Variants in NRXN1 observed in about 807,000 individuals in gnomAD.
The protein encoded by NRXN1 is neurexin-1.
NRXN1 carries 39 observed loss-of-function variants against 150.9 expected under a neutral mutation model. That is an observed-to-expected ratio of 0.26 (90% confidence interval 0.20 to 0.34). The LOEUF is 0.34. Ranked by LOEUF, NRXN1 falls within the 10% of genes least tolerant of loss-of-function variation. The pLI is 1.00. For missense variants in NRXN1, 1,815 were observed against 1,949.9 expected, an observed-to-expected ratio of 0.93 and a Z score of 1.30; for synonymous variants, 924 against 757.0, an observed-to-expected ratio of 1.22 and a Z score of -3.62.
At chr2:50,704,036 T>C (rs927386601) in intron 5 of NRXN1, among the ~76,000 whole-genome samples, 3 of 152,056 alleles carry the variant, frequency 2.0e-5, no homozygotes, top group African/African-American at 7.2e-5. Flanking sequence ...TTCTGGTGGA[T>C]TGAATGGATT....
chr2:50,422,285 C>A (rs1016230298), intron 17 of NRXN1, among the ~76,000 whole-genome samples: 2 of 152,024 alleles, frequency 1.3e-5, no homozygotes, highest in African/African-American at 4.8e-5. Context: ...CTCTAAAACA[C>A]CAGTTTGTGT....
intron 18 of NRXN1, among the ~76,000 whole-genome samples, chr2:50,170,959 T>C (rs2152800923): frequency 6.6e-6 from 1 of 152,282 alleles, no homozygotes; most frequent in East Asian, 1.9e-4. Context: ...ATAACACATA[T>C]TTTGTGTGTT....
intron 18 of NRXN1, among the ~76,000 whole-genome samples, chr2:50,094,900 A>C (rs1195422699): frequency 6.6e-6 from 1 of 152,186 alleles, no homozygotes; most frequent in Non-Finnish European, 1.5e-5. Context: ...AATGGGGTTA[A>C]GGTCTGTAAA....
intron 17 of NRXN1, among the ~76,000 whole-genome samples, chr2:50,292,863 A>G (rs2073100513): frequency 6.6e-6 from 1 of 152,162 alleles, no homozygotes; most frequent in Non-Finnish European, 1.5e-5. Context: ...CTTGATTCAT[A>G]TTTTTAATCT....
rs116716912 is a variant in NRXN1 at position 49,950,590 on chromosome 2, A to C, written c.4129-6799T>G. Among the ~76,000 whole-genome samples the C allele has an allele frequency of 3.3e-3, 503 of 152,144 alleles. 2 individuals carry two copies. Among genetic ancestry groups the C allele is most frequent in the African/African-American group, 0.011 (467 of 41,558 alleles). Reference sequence around the variant, plus strand: ...TACTGTTCTCTCTCTGTTCTGAGGCAAATGAACAAATAACTCTTTAATACA... The same window carrying C: ...TACTGTTCTCTCTCTGTTCTGAGGCCAATGAACAAATAACTCTTTAATACA... On this transcript the variant is annotated intron_variant, in intron 21 of 22. Transcript: ENST00000401669.
chr2:50,090,671 A>T (rs1189427423), intron 19 of NRXN1, among the ~76,000 whole-genome samples: 1 of 152,196 alleles, frequency 6.6e-6, no homozygotes, highest in Non-Finnish European at 1.5e-5. Context: ...TAAACAAGAT[A>T]ATTTTTATTT....
chr2:50,839,823 T>C (rs1257645000), intron 5 of NRXN1, among the ~76,000 whole-genome samples: 1 of 152,128 alleles, frequency 6.6e-6, no homozygotes, highest in Non-Finnish European at 1.5e-5. Context: ...GTAATTCTCC[T>C]CAGAACTAAG....
chr2:50,957,179 C>T (rs1489148931), intron 2 of NRXN1, among the ~76,000 whole-genome samples: 2 of 152,028 alleles, frequency 1.3e-5, no homozygotes, highest in Non-Finnish European at 2.9e-5. Flanking sequence ...AATAAAAATT[C>T]AGTAAAAGAA....
chr2:50,520,235 T>C (rs2092748617), intron 12 of NRXN1, among the ~76,000 whole-genome samples: 5 of 151,580 alleles, frequency 3.3e-5, no homozygotes, highest in Admixed American at 1.3e-4. Flanking sequence ...AGGAACAAAA[T>C]GTTGTTCTGA....
chr2:50,038,233 T>A (rs1690350766), intron 21 of NRXN1, among the ~76,000 whole-genome samples: 1 of 152,180 alleles, frequency 6.6e-6, no homozygotes, highest in African/African-American at 2.4e-5. Context: ...GTCATCAGTG[T>A]TTCTCAGTAT....
intron 2 of NRXN1, among the ~76,000 whole-genome samples, chr2:51,024,328 A>C (rs1173269317): frequency 6.6e-6 from 1 of 152,148 alleles, no homozygotes; most frequent in Non-Finnish European, 1.5e-5. Context: ...GTGATGCATA[A>C]ATTAGTTTTG....
chr2:50,078,151 T>G (rs1314109947), intron 19 of NRXN1, among the ~76,000 whole-genome samples: 1 of 152,074 alleles, frequency 6.6e-6, no homozygotes, highest in Non-Finnish European at 1.5e-5. Context: ...CAGTATTAGA[T>G]TAAGTTACAC....
chr2:50,906,585 G>C (rs1163860059), intron 5 of NRXN1, among the ~76,000 whole-genome samples: 1 of 151,938 alleles, frequency 6.6e-6, no homozygotes, highest in South Asian at 2.1e-4. Context: ...CTGTTCTCTT[G>C]CCAGAATAAT....
chr2:50,897,310 T>A (rs1425510352), intron 5 of NRXN1, among the ~76,000 whole-genome samples: 1 of 152,186 alleles, frequency 6.6e-6, no homozygotes, highest in Non-Finnish European at 1.5e-5. Flanking sequence ...CAATAAATTG[T>A]TTTCTCTGAA....
intron 22 of NRXN1, chr2:49,926,325 T>A: frequency 2.5e-6 from 1 of 398,428 alleles, no homozygotes; most frequent in Non-Finnish European, 4.4e-6. Context: ...TAATCCTTCC[T>A]CTCTCTTCTA....
At chr2:50,098,134 C>T (rs1293336326) in intron 18 of NRXN1, among the ~76,000 whole-genome samples, 2 of 152,080 alleles carry the variant, frequency 1.3e-5, no homozygotes, top group Non-Finnish European at 1.5e-5. Flanking sequence ...TTCCTGCTGC[C>T]CTGTCTCCTA....
At position 50,329,673 on chromosome 2, in the gene NRXN1, AT is replaced by A. The variant is rs749453098; in HGVS notation, c.3365-92704del. The stretch of plus-strand genomic sequence containing the variant: ...TATATATATATATATATATATATAT[AT>A]TTTTTTTTTTCCCCCCCGAGACGGA... On this transcript the variant is annotated intron_variant, in intron 17 of 22. Coordinates refer to ENST00000401669, the MANE Select transcript of NRXN1 (RefSeq NM_001330078.2). Among the ~76,000 whole-genome samples, 101 of 28,768 alleles carry A rather than the reference AT, an allele frequency of 3.5e-3. 3 individuals carry two copies. The highest frequency in any genetic ancestry group is 0.019 in the East Asian group (6 of 324). 18.9% of individuals were successfully genotyped at this position (28,768 alleles called of 152,430 possible).
chr2:50,327,519 A>G (rs1575097987), intron 17 of NRXN1, among the ~76,000 whole-genome samples: 1 of 822 alleles, frequency 1.2e-3, no homozygotes, highest in Non-Finnish European at 2.3e-3. Context: ...AAACTTGCAC[A>G]ATTGTATTGT....
chr2:51,006,517 C>A (rs888822197), intron 2 of NRXN1, among the ~76,000 whole-genome samples: 1 of 151,492 alleles, frequency 6.6e-6, no homozygotes, highest in African/African-American at 2.4e-5. Context: ...GCACGTTGTG[C>A]ACATGTACCC....
Sources: allele counts gnomAD v4.1 joint callset (sites outside exome capture counted in the v4.1 genomes callset), GRCh38; gene constraint gnomAD v4.1.1; transcripts MANE v1.5; gene names NCBI Gene and HGNC (gene_info 2026-07-23, HGNC 2026-07-21).